The following AK8 variants were observed in gnomAD, a reference collection of about 807,000 sequenced individuals.
AK8 encodes ATP-AMP transphosphorylase 8.
In AK8, 44 loss-of-function variants were observed where a neutral mutation model predicts 54.6. That is an observed-to-expected ratio of 0.81 (90% CI 0.63 to 1.04). The LOEUF (loss-of-function observed/expected upper bound fraction) is 1.04. Ranked by LOEUF, AK8 falls within the 50% of genes least tolerant of loss-of-function variation. AK8 has a pLI of 0.00. For synonymous variants in AK8, 239 were observed against 245.6 expected, an observed-to-expected ratio of 0.97 and a Z score of 0.25; for missense variants, 555 against 613.6, an observed-to-expected ratio of 0.90 and a Z score of 1.01.
intron 11 of AK8, among the ~76,000 whole-genome samples, chr9:132,774,857 G>A (rs960301004): frequency 2.6e-5 from 4 of 152,132 alleles, no homozygotes; most frequent in African/African-American, 7.2e-5. Flanking sequence ...CTTATTCACC[G>A]CTGGCTTAGG....
chr9:132,833,244 C>A (rs1302576478), intron 5 of AK8, among the ~76,000 whole-genome samples: 2 of 152,236 alleles, frequency 1.3e-5, no homozygotes, highest in African/African-American at 4.8e-5. Flanking sequence ...ATTTGCCCAG[C>A]TGCAAAATGG....
chr9:132,742,616 T>C (rs996211860), intron 11 of AK8, among the ~76,000 whole-genome samples: 2 of 152,262 alleles, frequency 1.3e-5, no homozygotes. Flanking sequence ...GTCTGCGTCA[T>C]GATCCATGGC....
rs748775345 is a variant in AK8, at chr9:132,776,606, C to T, written c.1121+16028G>A. Among the ~76,000 whole-genome samples the T allele has an allele frequency of 5.7e-4, 87 of 152,300 alleles. 1 individual carries two copies. The highest frequency in any genetic ancestry group is 1.3e-3 in the East Asian group (7 of 5,186). Reference sequence around the variant, plus strand: ...TGCCAGCAGAGCTCTGAGAGTGCTGCGGGGCCGCCACGCTGCAGGATGGAA... The same window carrying T: ...TGCCAGCAGAGCTCTGAGAGTGCTGTGGGGCCGCCACGCTGCAGGATGGAA... On this transcript the variant is annotated intron_variant, in intron 11 of 12. Coordinates refer to ENST00000298545, the MANE Select transcript of AK8 (RefSeq NM_152572.3).
intron 11 of AK8, among the ~76,000 whole-genome samples, chr9:132,739,054 C>T (rs1001015264): frequency 1.3e-5 from 2 of 151,676 alleles, no homozygotes; most frequent in African/African-American, 4.8e-5. Context: ...CATGCCTGGC[C>T]TGACATATTG....
At position 132,761,259 on chromosome 9, in the gene AK8, C is replaced by CTT. The variant is rs202041016; in HGVS notation, c.1121+31373_1121+31374dup. ...GGATTTTCTATTTCTTTTTTCTTTT[C>CTT]TTTTCTTTTCTTTTTTTTTTTTTTT... On this transcript the variant is annotated intron_variant, in intron 11 of 12. Coordinates refer to ENST00000298545, the MANE Select transcript of AK8 (RefSeq NM_152572.3). Among the ~76,000 whole-genome samples the CTT allele has an allele frequency of 6.0e-3, 800 of 133,038 alleles. 56 individuals carry two copies. Among genetic ancestry groups the CTT allele is most frequent in the African/African-American group, 0.024 (700 of 29,334 alleles). 87.3% of individuals were successfully genotyped at this position (133,038 alleles called of 152,430 possible).
intron 11 of AK8, among the ~76,000 whole-genome samples, chr9:132,754,356 T>C (rs1838088663): frequency 6.6e-6 from 1 of 152,176 alleles, no homozygotes; most frequent in Non-Finnish European, 1.5e-5. Context: ...AATCAGCATA[T>C]TGCAGTGTGA....
intron 11 of AK8, among the ~76,000 whole-genome samples, chr9:132,788,427 GAATA>G (rs2131153281): frequency 6.6e-6 from 1 of 152,302 alleles, no homozygotes; most frequent in African/African-American, 2.4e-5. Context: ...AGGAAAGTTA[GAATA>G]AATGTTGGGG....
chr9:132,784,976 G>A (rs146437644), intron 11 of AK8, among the ~76,000 whole-genome samples: 2,157 of 152,160 alleles, frequency 0.014, 23 homozygotes, highest in Non-Finnish European at 0.024. Context: ...AATCAATACT[G>A]ATTAAAAACA....
chr9:132,871,942 C>T (rs1424854994), intron 2 of AK8, among the ~76,000 whole-genome samples: 2 of 152,198 alleles, frequency 1.3e-5, no homozygotes, highest in African/African-American at 2.4e-5. Context: ...GGAGCAAGAT[C>T]AAAACAAAGA....
chr9:132,768,394 A>G (rs1347983839), intron 11 of AK8, among the ~76,000 whole-genome samples: 1 of 152,054 alleles, frequency 6.6e-6, no homozygotes, highest in Non-Finnish European at 1.5e-5. Context: ...CAGTCTCCCA[A>G]GTAGCTGGGA....
At chr9:132,802,825 T>A (rs1261640176) in intron 10 of AK8, among the ~76,000 whole-genome samples, 4 of 152,316 alleles carry the variant, frequency 2.6e-5, no homozygotes, top group African/African-American at 9.6e-5. Context: ...CCTTGCCATG[T>A]CCTGCCCCAA....
At chr9:132,846,034 A>G (rs187926733) in intron 5 of AK8, among the ~76,000 whole-genome samples, 3 of 152,354 alleles carry the variant, frequency 2.0e-5, no homozygotes, top group African/African-American at 7.2e-5. Flanking sequence ...AGTGGGACAC[A>G]CAGACGATCA....
At chr9:132,785,782 C>T (rs1839676179) in intron 11 of AK8, among the ~76,000 whole-genome samples, 1 of 152,192 alleles carries the variant, frequency 6.6e-6, no homozygotes. Flanking sequence ...CCAGAGCTTC[C>T]ATATAGCTTT....
chr9:132,875,077 G>C, intron 2 of AK8, 38 bp downstream of exon 2: 1 of 1,611,928 alleles, frequency 6.2e-7, no homozygotes, highest in Non-Finnish European at 8.5e-7. Flanking sequence ...GGAGGGGAAG[G>C]GAAGACGAGG....
intron 3 of AK8, among the ~76,000 whole-genome samples, chr9:132,864,275 A>T (rs1314904161): frequency 1.3e-5 from 2 of 152,202 alleles, no homozygotes; most frequent in African/African-American, 4.8e-5. Context: ...AGAATAATGG[A>T]CTAAAACATT....
intron 7 of AK8, 145 bp downstream of exon 7, chr9:132,827,868 C>T (rs1841937899): frequency 1.3e-6 from 1 of 754,644 alleles, no homozygotes; most frequent in Non-Finnish European, 2.1e-6. Flanking sequence ...TGTCTTCCAG[C>T]TCAGAGCCCA....
At chr9:132,828,269 G>A (rs1225260056) in intron 6 of AK8, among the ~76,000 whole-genome samples, 185 bp from the exon 7 acceptor site, 1 of 152,230 alleles carries the variant, frequency 6.6e-6, no homozygotes, top group Non-Finnish European at 1.5e-5. Context: ...AACACAAAGA[G>A]TGTAACGTTG....
At chr9:132,852,652 T>G (rs1278492651) in intron 5 of AK8, among the ~76,000 whole-genome samples, 2 of 147,494 alleles carry the variant, frequency 1.4e-5, no homozygotes, top group East Asian at 4.0e-4. Context: ...TGCCTGTAAC[T>G]CCAGCTAATG....
chr9:132,845,570 A>T (rs913377181), intron 5 of AK8, among the ~76,000 whole-genome samples: 1 of 152,172 alleles, frequency 6.6e-6, no homozygotes, highest in Non-Finnish European at 1.5e-5. Context: ...CGAGGGGATC[A>T]CTTGGAAGTC....
Sources: allele counts gnomAD v4.1 joint callset (sites outside exome capture counted in the v4.1 genomes callset), GRCh38; gene constraint gnomAD v4.1.1; transcripts MANE v1.5; gene names NCBI Gene and HGNC (gene_info 2026-07-23, HGNC 2026-07-21).